Variants in PNPLA6 observed in about 807,000 individuals in gnomAD.
The protein encoded by PNPLA6 is patatin like domain 6, lysophospholipase, also known as patatin-like phospholipase domain-containing protein 6.
In PNPLA6, 105 loss-of-function variants were observed where a neutral mutation model predicts 153.7. The ratio of observed to expected loss-of-function variants is 0.68; its 90% confidence interval spans 0.58 to 0.80. The LOEUF (loss-of-function observed/expected upper bound fraction) is 0.80, where lower values mean the gene tolerates loss of function less well. Among genes scored for constraint, PNPLA6 ranks in the 30% least tolerant of loss-of-function variants. The pLI is 0.00. For missense variants in PNPLA6, 1,423 were observed against 1,919.3 expected, an observed-to-expected ratio of 0.74 and a Z score of 4.83; for synonymous variants, 825 against 822.2, an observed-to-expected ratio of 1.00 and a Z score of -0.06.
At chr19:7,534,430 A>C (rs2022746402), upstream of PNPLA6, 1 of 154,788 alleles carries the variant, frequency 6.5e-6, no homozygotes, top group African/African-American at 2.4e-5. Flanking sequence ...AGGACCGGCC[A>C]CCCAGGAATT....
chr19:7,555,495 G>A lies in PNPLA6; in HGVS notation c.2937-112G>A, dbSNP rs2023838406. ...CTTCCCCTCCGGGAGAGACCCCGTG[G>A]GTAGGGGCGGGTCCTTTGTTCCTTA... is the stretch of plus-strand genomic sequence containing the variant. On this transcript the variant is annotated intron_variant, in intron 23 of 31. Transcript: ENST00000600737. The surrounding 1 kb of genome is among the most constrained non-coding windows in gnomAD (Gnocchi z 6.3). 1 of 1,383,488 alleles carries A rather than the reference G, an allele frequency of 7.2e-7. No homozygotes were observed. The highest frequency in any genetic ancestry group is 1.0e-6 in the Non-Finnish European group (1 of 1,004,798). 85.7% of individuals were successfully genotyped at this position (1,383,488 alleles called of 1,614,324 possible). A position where few individuals can be genotyped will look rare whatever the true frequency, so the allele number is the denominator to read the frequency against.
At position 7,535,734 on chromosome 19, in the gene PNPLA6, G is replaced by A. The variant is rs183926824; in HGVS notation, c.-55G>A. The A allele has an allele frequency of 5.9e-6, 9 of 1,518,986 alleles. No homozygotes were observed. The highest frequency in any genetic ancestry group is 1.2e-5 in the South Asian group (1 of 83,076). The allele number at this position is 1,518,986 out of a possible 1,614,324, so 94.1% of individuals were successfully genotyped here. On this transcript the variant is annotated 5_prime_UTR_variant, in exon 1 of 32. Transcript: ENST00000600737. The surrounding 1 kb of genome is among the most constrained non-coding windows in gnomAD (Gnocchi z 5.0). ...CCCGGCATGCACTGCGGGCCGCCGG[G>A]CCTCAGGGAAGAGTCGCGCCCCCGG...
chr19:7,552,537 C>T (rs2146094750), intron 18 of PNPLA6, among the ~76,000 whole-genome samples: 1 of 152,246 alleles, frequency 6.6e-6, no homozygotes, highest in East Asian at 1.9e-4. Context: ...AGGTGAATCA[C>T]TTGAGGTCAG....
intron 28 of PNPLA6, 94 bp from the exon 29 acceptor site, chr19:7,560,554 A>T (rs2024056583): frequency 2.3e-6 from 2 of 872,918 alleles, no homozygotes; most frequent in Admixed American, 3.5e-5. Context: ...TCCCCCAGAG[A>T]ATCAGGCTTT....
At position 7,541,821 on chromosome 19, in the gene PNPLA6, G is replaced by A; in HGVS notation, c.1168+137G>A. 1 of 1,138,560 alleles carries A rather than the reference G, an allele frequency of 8.8e-7. No individual in the cohort carries two copies. Among genetic ancestry groups the A allele is most frequent in the Non-Finnish European group, 1.3e-6 (1 of 784,750 alleles). The allele number at this position is 1,138,560 out of a possible 1,614,324, so 70.5% of individuals were successfully genotyped here. On this transcript the variant is annotated intron_variant, in intron 9 of 31. Coordinates refer to ENST00000600737, the MANE Select transcript of PNPLA6 (RefSeq NM_001166114.2). This position sits in a 1 kb window ranked among gnomAD's most constrained non-coding sequence, Gnocchi z 5.2. ...AGGGACTCCATAGCGGGGTACCCAG[G>A]TCTGACTCCTATCTGGTACCGAGGA...
At position 7,541,640 on chromosome 19, in the gene PNPLA6, G is replaced by A. The variant is rs1163920380; in HGVS notation, c.1124G>A (p.Gly375Glu). ...ACAGACGAGCCCAGGGAGACCCCAG[G>A]GCGGCCACCCGATCCCACCGGGGCC... is the stretch of plus-strand genomic sequence containing the variant. ...SATDEPRETPGRPPDPTGAPL... is the reference protein window; with the variant it reads ...SATDEPRETPERPPDPTGAPL... The change falls in exon 9 of 32, where the codon GGG becomes GAG. Residue 375 changes from glycine to glutamate, a missense_variant. Transcript: ENST00000600737. The surrounding 1 kb of genome is among the most constrained non-coding windows in gnomAD (Gnocchi z 5.2). The A allele has an allele frequency of 1.9e-6, 3 of 1,586,442 alleles. No individual in the cohort carries two copies. The highest frequency in any genetic ancestry group is 1.8e-5 in the Admixed American group (1 of 56,248).
intron 3 of PNPLA6, 28 bp downstream of exon 3, chr19:7,536,574 A>G (rs755390194): frequency 3.5e-6 from 5 of 1,443,834 alleles, no homozygotes; most frequent in Non-Finnish European, 4.9e-6. Flanking sequence ...GTGACCTGGT[A>G]TTAGGGGTTA....
chr19:7,554,079 GT>G, intron 19 of PNPLA6, 64 bp downstream of exon 19: 1 of 1,596,978 alleles, frequency 6.3e-7, no homozygotes, highest in Non-Finnish European at 8.6e-7. Flanking sequence ...AGTGAGAGAT[GT>G]TAGGGTAGGT....
At chr19:7,535,395 T>C, upstream of PNPLA6, 1 of 819,702 alleles carries the variant, frequency 1.2e-6, no homozygotes. The surrounding 1 kb of genome is among the most constrained non-coding windows in gnomAD (Gnocchi z 5.0). Context: ...CTGGAGACGC[T>C]TCCCCCGCCA....
At position 7,541,896 on chromosome 19, in the gene PNPLA6, A is replaced by G; in HGVS notation, c.1169-88A>G. ...CCATTGGAATTGCTTTAACTAGTTA[A>G]TCAGTCGCCAGCATCTCCTTATCTC... On this transcript the variant is annotated intron_variant, in intron 9 of 31. Transcript: ENST00000600737. The surrounding 1 kb of genome is among the most constrained non-coding windows in gnomAD (Gnocchi z 5.2). The G allele has an allele frequency of 8.0e-7, 1 of 1,253,020 alleles. No individual in the cohort carries two copies. Among genetic ancestry groups the G allele is most frequent in the Non-Finnish European group, 1.2e-6 (1 of 863,124 alleles). The allele number at this position is 1,253,020 out of a possible 1,614,324, so 77.6% of individuals were successfully genotyped here.
chr19:7,543,732 T>A (rs1283122925), intron 13 of PNPLA6, among the ~76,000 whole-genome samples: 3 of 151,988 alleles, frequency 2.0e-5, no homozygotes, highest in Non-Finnish European at 4.4e-5. Context: ...TCTAGAAAGT[T>A]CTCTGCTTCC....
upstream of PNPLA6, chr19:7,535,354 C>A: frequency 1.5e-6 from 1 of 675,920 alleles, no homozygotes; most frequent in South Asian, 1.6e-5. The surrounding 1 kb of genome is among the most constrained non-coding windows in gnomAD (Gnocchi z 5.0). Context: ...CCCTTAGTCC[C>A]GCAGCGCCCC....
At position 7,540,419 on chromosome 19, in the gene PNPLA6, G is replaced by T; in HGVS notation, c.714+111G>T. 7.8e-7 allele frequency: 1 copy of T among 1,276,272 alleles called. No homozygotes were observed. 79.1% of individuals were successfully genotyped at this position (1,276,272 alleles called of 1,614,324 possible). ...TGGAGATGCGTCATCGGGAGTCAGG[G>T]GAACGGGTGACCGAGGACATTTGGG... On this transcript the variant is annotated intron_variant, in intron 5 of 31. Transcript: ENST00000600737. This position sits in a 1 kb window ranked among gnomAD's most constrained non-coding sequence, Gnocchi z 6.8.
At position 7,557,244 on chromosome 19, in the gene PNPLA6, G is replaced by A; in HGVS notation, c.3357G>A (p.Gly1119=). 4 of 1,613,444 alleles carry A rather than the reference G, an allele frequency of 2.5e-6. No individual in the cohort carries two copies. The highest frequency in any genetic ancestry group is 1.1e-5 in the South Asian group (1 of 91,084). Residue 1119 remains glycine, a synonymous_variant, in exon 27 of 32, where the codon GGG becomes GGA. Coordinates refer to ENST00000600737, the MANE Select transcript of PNPLA6 (RefSeq NM_001166114.2). ...CCCCGCTGTGCGACCCCAAGGACGGGCACCTACTCATGGATGGCGGCTACA... is the reference window on the plus strand; with the variant it reads ...CCCCGCTGTGCGACCCCAAGGACGGACACCTACTCATGGATGGCGGCTACA... ...YLPPLCDPKD[G]HLLMDGGYIN... is the part of the protein sequence containing the mutation.
In PNPLA6 at chr19:7,555,491, C is replaced by G. The variant is rs1229997953; in HGVS notation, c.2937-116C>G. 6 of 1,385,040 alleles carry G rather than the reference C, an allele frequency of 4.3e-6. No homozygotes were observed. The highest frequency in any genetic ancestry group is 4.0e-6 in the Non-Finnish European group (4 of 1,004,628). The allele number at this position is 1,385,040 out of a possible 1,614,324, so 85.8% of individuals were successfully genotyped here. A position where few individuals can be genotyped will look rare whatever the true frequency, so the allele number is the denominator to read the frequency against. On this transcript the variant is annotated intron_variant, in intron 23 of 31. Transcript: ENST00000600737. This position sits in a 1 kb window ranked among gnomAD's most constrained non-coding sequence, Gnocchi z 6.3. The stretch of plus-strand genomic sequence containing the variant: ...GGAGCTTCCCCTCCGGGAGAGACCC[C>G]GTGGGTAGGGGCGGGTCCTTTGTTC...
At chr19:7,552,289 G>T (rs2023685220) in intron 18 of PNPLA6, among the ~76,000 whole-genome samples, 1 of 152,168 alleles carries the variant, frequency 6.6e-6, no homozygotes, top group Admixed American at 6.6e-5. Flanking sequence ...GTGCGGTGGG[G>T]TTGGAGGCCT....
In PNPLA6 at chr19:7,550,713, C is replaced by T. The variant is rs2146088830; in HGVS notation, c.2070+73C>T. 2.5e-6 allele frequency: 4 copies of T among 1,571,186 alleles called. No homozygotes were observed. In the South Asian group the frequency reaches 3.4e-5, roughly 13 times the overall value. ...CCCTCGACAACTCACACACATCATC[C>T]CGGGTAATCCAGGGAGTGGTGAATG... On this transcript the variant is annotated intron_variant, in intron 16 of 31. Coordinates refer to ENST00000600737, the MANE Select transcript of PNPLA6 (RefSeq NM_001166114.2).
At chr19:7,558,286 G>T (rs566798638) in intron 27 of PNPLA6, among the ~76,000 whole-genome samples, 10 of 152,294 alleles carry the variant, frequency 6.6e-5, no homozygotes, top group African/African-American at 2.2e-4. Context: ...GCCAGGGGTG[G>T]GCAAACTATG....
chr19:7,555,365 C>G lies in PNPLA6; in HGVS notation c.2934C>G (p.Ala978=). 1 of 1,516,748 alleles carries G rather than the reference C, an allele frequency of 6.6e-7. No individual in the cohort carries two copies. Among genetic ancestry groups the G allele is most frequent in the South Asian group, 1.2e-5 (1 of 83,440 alleles). The allele number at this position is 1,516,748 out of a possible 1,614,324, so 94.0% of individuals were successfully genotyped here. ...CCCTTGTGCTAGGCGGGGGCGGGGCCAGGTGAGGGCGGGGCTTGCTCTCTG... is the reference window on the plus strand; with the variant it reads ...CCCTTGTGCTAGGCGGGGGCGGGGCGAGGTGAGGGCGGGGCTTGCTCTCTG... The part of the protein sequence containing the change: ...TIALVLGGGG[A]RGCSHIGVLK... Residue 978 remains alanine (A), a splice_region_variant and synonymous_variant, in exon 23 of 32, where the codon GCC becomes GCG. Transcript: ENST00000600737. This position sits in a 1 kb window ranked among gnomAD's most constrained non-coding sequence, Gnocchi z 6.3.
Sources: gnomAD v4.1 joint callset for allele counts (sites outside exome capture counted in the v4.1 genomes callset) on GRCh38, gnomAD v4.1.1 for gene constraint, Gnocchi (gnomAD v3.1) non-coding constraint, MANE v1.5 for transcripts, NCBI Gene and HGNC (gene_info 2026-07-23, HGNC 2026-07-21) for gene names.